CNTNAP2: variants seen among roughly 807,000 people sequenced by gnomAD.
CNTNAP2 encodes contactin-associated protein-like 2.
In CNTNAP2, 98 loss-of-function variants were observed where a neutral mutation model predicts 155.2. The observed-to-expected ratio is 0.63, with a 90% CI of 0.54 to 0.75. The LOEUF (loss-of-function observed/expected upper bound fraction) is 0.75. Among genes scored for constraint, CNTNAP2 ranks in the 30% least tolerant of loss-of-function variants. The pLI is 0.00. For synonymous variants in CNTNAP2, 651 were observed against 631.2 expected (o/e 1.03, Z -0.47); for missense variants, 1,727 against 1,688.1 (o/e 1.02, Z -0.40).
Position 148,353,993 on chromosome 7 carries a change from G to A in CNTNAP2, c.3476-29656G>A, listed in dbSNP as rs540378036. ...TTATCATCGAACGTTTCCTATACTG[G>A]GACTAAAGTCTGGCCAGGAAATTAA... On this transcript the variant is annotated intron_variant, in intron 21 of 23. Coordinates refer to ENST00000361727, the MANE Select transcript of CNTNAP2 (RefSeq NM_014141.6). Among the ~76,000 whole-genome samples, 71 of 152,132 alleles carry A rather than the reference G, an allele frequency of 4.7e-4. No homozygotes were observed. The Middle Eastern group carries it at 0.01, about 22-fold the overall frequency.
At chr7:148,043,379 C>T (rs1408169297) in intron 15 of CNTNAP2, among the ~76,000 whole-genome samples, 1 of 152,116 alleles carries the variant, frequency 6.6e-6, no homozygotes, top group Non-Finnish European at 1.5e-5. Context: ...TCTTGATATA[C>T]GAAACACACA....
chr7:147,515,368 G>T (rs1395200427), intron 11 of CNTNAP2, among the ~76,000 whole-genome samples: 1 of 129,998 alleles, frequency 7.7e-6, no homozygotes, highest in South Asian at 2.7e-4. Flanking sequence ...TGTCGCCCAG[G>T]CTGGAGTGCA....
intron 1 of CNTNAP2, among the ~76,000 whole-genome samples, chr7:146,138,107 G>T (rs1486266238): frequency 6.6e-6 from 1 of 152,004 alleles, no homozygotes; most frequent in South Asian, 2.1e-4. Context: ...TCCTAAGAGA[G>T]AAAACATTCT....
chr7:147,109,934 C>T (rs552221827), intron 5 of CNTNAP2, among the ~76,000 whole-genome samples: 3 of 130,630 alleles, frequency 2.3e-5, no homozygotes, highest in African/African-American at 9.2e-5. Context: ...TATTTATTTA[C>T]TTATTTTTGA....
At chr7:147,030,010 A>G (rs1798998171) in intron 3 of CNTNAP2, among the ~76,000 whole-genome samples, 1 of 152,186 alleles carries the variant, frequency 6.6e-6, no homozygotes, top group Non-Finnish European at 1.5e-5. Context: ...CTTAACAAAT[A>G]CCTGCGAAAA....
intron 21 of CNTNAP2, among the ~76,000 whole-genome samples, chr7:148,328,953 G>A (rs1263257514): frequency 2.4e-5 from 3 of 125,942 alleles, no homozygotes; most frequent in African/African-American, 9.2e-5. Flanking sequence ...TCCAGCCTAA[G>A]CGACAGAGCA....
chr7:147,434,113 GAAGA>G (rs895989635), intron 10 of CNTNAP2, among the ~76,000 whole-genome samples: 1 of 152,186 alleles, frequency 6.6e-6, no homozygotes, highest in Admixed American at 6.5e-5. Context: ...CATAGAAAGT[GAAGA>G]AATATGTTCT....
intron 10 of CNTNAP2, among the ~76,000 whole-genome samples, chr7:147,398,229 T>C (rs1253582442): frequency 6.6e-6 from 1 of 152,066 alleles, no homozygotes; most frequent in Middle Eastern, 3.2e-3. Context: ...AATCCTTTAA[T>C]GATACACCCC....
intron 3 of CNTNAP2, among the ~76,000 whole-genome samples, chr7:147,042,587 A>C (rs1267575806): frequency 2.0e-5 from 3 of 152,172 alleles, no homozygotes; most frequent in Admixed American, 2.0e-4. Flanking sequence ...ACTTTGTATG[A>C]GTAGTCTAAC....
intron 3 of CNTNAP2, among the ~76,000 whole-genome samples, chr7:147,007,803 A>G (rs1204279601): frequency 6.6e-6 from 1 of 152,134 alleles, no homozygotes; most frequent in African/African-American, 2.4e-5. Flanking sequence ...AGTCACACCA[A>G]CAAAAGAGAA....
chr7:147,366,777 GCACGCACACACA>G (rs1341380538), intron 9 of CNTNAP2, among the ~76,000 whole-genome samples: 2 of 56,924 alleles, frequency 3.5e-5, no homozygotes, highest in South Asian at 6.2e-4. Flanking sequence ...CGAATTTGTT[GCACGCACACACA>G]CACACACACA....
chr7:148,320,708 T>C (rs1797778311), intron 21 of CNTNAP2, among the ~76,000 whole-genome samples: 1 of 152,108 alleles, frequency 6.6e-6, no homozygotes, highest in African/African-American at 2.4e-5. Flanking sequence ...AGGTTCCCAC[T>C]ATTCCACCCC....
chr7:147,615,265 G>A (rs1336973935), intron 12 of CNTNAP2, among the ~76,000 whole-genome samples: 9 of 110,564 alleles, frequency 8.1e-5, no homozygotes, highest in African/African-American at 2.9e-4. Context: ...GGAGAGGAGC[G>A]AGACCCTGTC....
intron 3 of CNTNAP2, among the ~76,000 whole-genome samples, chr7:146,926,552 A>G (rs1347001104): frequency 2.0e-5 from 3 of 152,150 alleles, no homozygotes; most frequent in Non-Finnish European, 4.4e-5. Flanking sequence ...TGAATGAATG[A>G]ATTCTTGAAC....
intron 3 of CNTNAP2, among the ~76,000 whole-genome samples, chr7:146,902,297 T>G (rs140129053): frequency 2.5e-4 from 38 of 152,306 alleles, no homozygotes; most frequent in Middle Eastern, 3.4e-3. Context: ...TTCTCACTTT[T>G]AATCCCTCTT....
At chr7:147,947,673 T>C (rs1179305436) in intron 14 of CNTNAP2, among the ~76,000 whole-genome samples, 2 of 151,922 alleles carry the variant, frequency 1.3e-5, no homozygotes, top group Non-Finnish European at 2.9e-5. Context: ...TAGCTCCCAA[T>C]GCTTCAGGAA....
At chr7:146,511,649 T>A (rs1219461427) in intron 1 of CNTNAP2, among the ~76,000 whole-genome samples, 2 of 152,224 alleles carry the variant, frequency 1.3e-5, no homozygotes. Flanking sequence ...TGATGAATGA[T>A]CTTTTTAATA....
chr7:146,535,290 ATG>A (rs1443989235), intron 1 of CNTNAP2, among the ~76,000 whole-genome samples: 2 of 56,716 alleles, frequency 3.5e-5, no homozygotes, highest in Non-Finnish European at 5.3e-5. Context: ...ATATTATATA[ATG>A]TATATTATAT....
rs140313602 is a variant in CNTNAP2 at position 147,989,870 on chromosome 7, T to C, written c.2383+11881T>C. Among the ~76,000 whole-genome samples the C allele has an allele frequency of 3.5e-3, 526 of 152,332 alleles. 3 individuals are homozygous for C. The highest frequency in any genetic ancestry group is 0.012 in the African/African-American group (497 of 41,568). On this transcript the variant is annotated intron_variant, in intron 15 of 23. Transcript: ENST00000361727. ...CTACAGCCCTTCTTAATTTTCTTCA[T>C]AGAATGTGCCACTCCCTGGAATTAT... is the stretch of plus-strand genomic sequence containing the variant.
Sources: allele counts gnomAD v4.1 joint callset (sites outside exome capture counted in the v4.1 genomes callset), GRCh38; gene constraint gnomAD v4.1.1; transcripts MANE v1.5; gene names NCBI Gene and HGNC (gene_info 2026-07-23, HGNC 2026-07-21).